CEP170: variants seen among roughly 807,000 people sequenced by gnomAD.
CEP170 encodes centrosomal protein 170, also known as centrosomal protein of 170 kDa.
In CEP170, 21 loss-of-function variants were observed where a neutral mutation model predicts 151.9. That is an observed-to-expected ratio of 0.14 (90% CI 0.10 to 0.20). The LOEUF (loss-of-function observed/expected upper bound fraction) is 0.20, where lower values mean the gene tolerates loss of function less well. Ranked by LOEUF, CEP170 falls within the 10% of genes least tolerant of loss-of-function variation. The pLI is 1.00. For missense variants in CEP170, 964 were observed against 1,892.9 expected, an observed-to-expected ratio of 0.51 and a Z score of 9.11; for synonymous variants, 356 against 648.8, an observed-to-expected ratio of 0.55 and a Z score of 6.86.
chr1:243,225,340 A>C lies in CEP170; in HGVS notation c.-41-19T>G. On this transcript the variant is annotated intron_variant, in intron 1 of 19. Transcript: ENST00000366542. ...CGTCATCCTGAAGAGAAACATGAAG[A>C]AAAATATACGTTCAGATATTTTTAG... is the stretch of plus-strand genomic sequence containing the variant. The C allele has an allele frequency of 9.9e-7, 1 of 1,010,754 alleles. No homozygotes were observed. The highest frequency in any genetic ancestry group is 1.7e-5 in the South Asian group (1 of 60,230). The allele number at this position is 1,010,754 out of a possible 1,614,324, so 62.6% of individuals were successfully genotyped here.
intron 10 of CEP170, among the ~76,000 whole-genome samples, chr1:243,178,308 CAAAAAAA>C (rs869094317): frequency 3.6e-4 from 11 of 30,424 alleles, no homozygotes; most frequent in African/African-American, 1.6e-3. Flanking sequence ...GACTCTGCCT[CAAAAAAA>C]AAAAAAAAAA....
intron 14 of CEP170, among the ~76,000 whole-genome samples, chr1:243,143,390 G>A (rs924845521): frequency 2.6e-5 from 4 of 152,022 alleles, no homozygotes; most frequent in Non-Finnish European, 5.9e-5. Flanking sequence ...CTGGATCCAA[G>A]CTTTAGTACT....
At chr1:243,189,255 T>A (rs1310417474) in intron 8 of CEP170, among the ~76,000 whole-genome samples, 3 of 152,064 alleles carry the variant, frequency 2.0e-5, no homozygotes, top group Non-Finnish European at 4.4e-5. Flanking sequence ...AATAATGGCT[T>A]AAAAATAATA....
chr1:243,255,686 G>A (rs1179330749), upstream of CEP170, among the ~76,000 whole-genome samples: 1 of 152,228 alleles, frequency 6.6e-6, no homozygotes, highest in Non-Finnish European at 1.5e-5. Flanking sequence ...GCGTCCTTGA[G>A]TAGCCTGGGG....
At chr1:243,218,815 A>G (rs2062540870) in intron 3 of CEP170, among the ~76,000 whole-genome samples, 2 of 152,200 alleles carry the variant, frequency 1.3e-5, no homozygotes, top group Admixed American at 1.3e-4. Context: ...ACGCTCACAC[A>G]ACCTGTGAGT....
Position 243,138,210 on chromosome 1 carries a change from T to G in CEP170, c.4230+1727A>C, listed in dbSNP as rs1296439539. 2.0e-5 allele frequency among the ~76,000 whole-genome samples: 3 copies of G among 152,258 alleles called. No homozygotes were observed. The East Asian group carries it at 5.8e-4, about 29-fold the overall frequency. On this transcript the variant is annotated intron_variant, in intron 16 of 19. Coordinates refer to ENST00000366542, the MANE Select transcript of CEP170 (RefSeq NM_014812.3). ...TTTAAAAACATACACTTCTTCCACATAGTTTTTTATTATGTTTGGAGAAAT... is the reference window on the plus strand; with the variant it reads ...TTTAAAAACATACACTTCTTCCACAGAGTTTTTTATTATGTTTGGAGAAAT...
intron 16 of CEP170, among the ~76,000 whole-genome samples, chr1:243,138,284 A>G (rs1290947683): frequency 6.6e-6 from 1 of 151,594 alleles, no homozygotes; most frequent in Non-Finnish European, 1.5e-5. Flanking sequence ...AGTTTAGAGA[A>G]TAGGCTCTTT....
chr1:243,185,729 C>G lies in CEP170; in HGVS notation c.1566+50G>C, dbSNP rs2059899417. On this transcript the variant is annotated intron_variant, in intron 10 of 19. Coordinates refer to ENST00000366542, the MANE Select transcript of CEP170 (RefSeq NM_014812.3). The surrounding 1 kb of genome is among the most constrained non-coding windows in gnomAD (Gnocchi z 4.9). ...TGACTCTCCAATAATTTCCACCAGT[C>G]AAATACACCACACAACAACTAAGAT... The G allele has an allele frequency of 6.5e-7, 1 of 1,528,708 alleles. No individual in the cohort carries two copies. Among genetic ancestry groups the G allele is most frequent in the African/African-American group, 1.4e-5 (1 of 72,062 alleles). The allele number at this position is 1,528,708 out of a possible 1,614,324, so 94.7% of individuals were successfully genotyped here.
intron 14 of CEP170, among the ~76,000 whole-genome samples, chr1:243,152,548 T>TC (rs2057202695): frequency 1.6e-5 from 2 of 123,442 alleles, no homozygotes; most frequent in East Asian, 4.4e-4. Flanking sequence ...TTTTTTTTTT[T>TC]TGAGATAGAG....
At chr1:243,240,262 A>G (rs1242131261) in intron 1 of CEP170, among the ~76,000 whole-genome samples, 1 of 152,154 alleles carries the variant, frequency 6.6e-6, no homozygotes, top group Non-Finnish European at 1.5e-5. Flanking sequence ...GTGAGCTGAG[A>G]TCACGCCATT....
chr1:243,242,619 C>A (rs1428755299), intron 1 of CEP170, among the ~76,000 whole-genome samples: 1 of 152,212 alleles, frequency 6.6e-6, no homozygotes, highest in Non-Finnish European at 1.5e-5. Flanking sequence ...GGTACCCTCC[C>A]CAAGTTCTAA....
chr1:243,136,457 G>A (rs953824658), intron 16 of CEP170, among the ~76,000 whole-genome samples: 5 of 152,132 alleles, frequency 3.3e-5, no homozygotes, highest in African/African-American at 9.7e-5. Context: ...CAAAGTTTCC[G>A]TATTATTTTG....
intron 2 of CEP170, among the ~76,000 whole-genome samples, chr1:243,224,451 TAA>T (rs1043533676): frequency 7.2e-6 from 1 of 139,184 alleles, no homozygotes; most frequent in Non-Finnish European, 1.6e-5. Context: ...GCTGATGAAC[TAA>T]AAAAAAAAAA....
At chr1:243,213,990 T>C (rs1028373292) in intron 3 of CEP170, among the ~76,000 whole-genome samples, 2 of 152,112 alleles carry the variant, frequency 1.3e-5, no homozygotes, top group Non-Finnish European at 2.9e-5. Context: ...GGATTACAGG[T>C]GTAAGCCACC....
chr1:243,134,079 G>A (rs191297501), intron 17 of CEP170, among the ~76,000 whole-genome samples: 39 of 152,224 alleles, frequency 2.6e-4, no homozygotes, highest in African/African-American at 8.9e-4. Context: ...GTTGATGCAG[G>A]TTATTGGGCT....
chr1:243,142,011 T>G (rs1426192501), intron 15 of CEP170, among the ~76,000 whole-genome samples: 2 of 152,204 alleles, frequency 1.3e-5, no homozygotes, highest in East Asian at 3.8e-4. Context: ...TTATCAAATT[T>G]TGGGTTGCTT....
At chr1:243,223,400 A>G (rs1454700820) in intron 2 of CEP170, among the ~76,000 whole-genome samples, 4 of 152,228 alleles carry the variant, frequency 2.6e-5, no homozygotes, top group African/African-American at 9.6e-5. Flanking sequence ...TCATGGAGCC[A>G]GAGAATGGTG....
intron 1 of CEP170, among the ~76,000 whole-genome samples, chr1:243,245,107 T>C (rs2065245411): frequency 2.0e-5 from 3 of 152,148 alleles, no homozygotes; most frequent in Non-Finnish European, 2.9e-5. Context: ...GATCCTAGAA[T>C]CTGCTACAAG....
chr1:243,208,214 G>T (rs1271817563), intron 4 of CEP170, among the ~76,000 whole-genome samples: 1 of 151,934 alleles, frequency 6.6e-6, no homozygotes, highest in African/African-American at 2.4e-5. Context: ...TATCACCCTG[G>T]TCCAAACCTC....
Sources: allele counts gnomAD v4.1 joint callset (sites outside exome capture counted in the v4.1 genomes callset), GRCh38; gene constraint gnomAD v4.1.1; non-coding constraint Gnocchi (gnomAD v3.1); transcripts MANE v1.5; gene names NCBI Gene and HGNC (gene_info 2026-07-23, HGNC 2026-07-21).